Variants in POPDC1 observed in about 807,000 individuals in gnomAD.
The protein encoded by POPDC1 is popeye domain-containing protein 1.
At chr6:105,105,452 T>A in the POPDC1 span, among the ~76,000 whole-genome samples, 2,915 of 152,314 alleles carry the variant, frequency 0.019, 82 homozygotes, top group African/African-American at 0.067. Flanking sequence ...TGCCTCGGAA[T>A]CTGCAACTGT....
the POPDC1 span, among the ~76,000 whole-genome samples, chr6:105,114,060 T>C: frequency 6.6e-6 from 1 of 152,110 alleles, no homozygotes; most frequent in African/African-American, 2.4e-5. Flanking sequence ...AACATGCTTA[T>C]CATCAAGGAC....
chr6:105,106,269 A>G, the POPDC1 span, among the ~76,000 whole-genome samples: 1 of 152,176 alleles, frequency 6.6e-6, no homozygotes, highest in Non-Finnish European at 1.5e-5. Context: ...AAGTGGCAAA[A>G]AAGTCCTCTG....
the POPDC1 span, among the ~76,000 whole-genome samples, chr6:105,105,032 G>A: frequency 6.6e-6 from 1 of 152,160 alleles, no homozygotes; most frequent in South Asian, 2.1e-4. Flanking sequence ...TGCCATGAAT[G>A]AGCTTATTTC....
the POPDC1 span, chr6:105,101,037 C>T: frequency 2.6e-6 from 4 of 1,537,740 alleles, no homozygotes; most frequent in African/African-American, 4.2e-5. Flanking sequence ...TGGTATTTTT[C>T]AGGATCTCTT....
chr6:105,104,547 T>A, the POPDC1 span, among the ~76,000 whole-genome samples: 1 of 152,122 alleles, frequency 6.6e-6, no homozygotes, highest in South Asian at 2.1e-4. Flanking sequence ...ACATCACCTT[T>A]AATTTCTGGC....
At chr6:105,107,897 G>T in the POPDC1 span, among the ~76,000 whole-genome samples, 21 of 151,986 alleles carry the variant, frequency 1.4e-4, no homozygotes, top group African/African-American at 4.8e-4. Flanking sequence ...TTGAATTGAA[G>T]CTTTCTGAAC....
At chr6:105,131,478 C>T in the POPDC1 span, among the ~76,000 whole-genome samples, 2 of 151,978 alleles carry the variant, frequency 1.3e-5, no homozygotes, top group African/African-American at 4.8e-5. Flanking sequence ...GCTCTGTCGC[C>T]CAGGCTGGAG....
chr6:105,119,789 T>A, the POPDC1 span, among the ~76,000 whole-genome samples: 1 of 152,248 alleles, frequency 6.6e-6, no homozygotes, highest in Non-Finnish European at 1.5e-5. Context: ...TTACCTCAAG[T>A]TTCCACTGAG....
At chr6:105,127,358 A>G in the POPDC1 span, among the ~76,000 whole-genome samples, 1 of 152,184 alleles carries the variant, frequency 6.6e-6, no homozygotes, top group Non-Finnish European at 1.5e-5. Context: ...AAATGCAATC[A>G]TTATCTACCT....
At chr6:105,126,476 A>G in the POPDC1 span, among the ~76,000 whole-genome samples, 1 of 152,006 alleles carries the variant, frequency 6.6e-6, no homozygotes, top group South Asian at 2.1e-4. Context: ...CTGAACTCAG[A>G]GCATAAGGGG....
chr6:105,129,380 G>A, the POPDC1 span: 49 of 1,601,604 alleles, frequency 3.1e-5, no homozygotes, highest in South Asian at 6.8e-5. Context: ...AATAATTACC[G>A]GTCTCTTCTT....
chr6:105,127,724 T>C, the POPDC1 span, among the ~76,000 whole-genome samples: 2 of 151,898 alleles, frequency 1.3e-5, no homozygotes, highest in African/African-American at 4.8e-5. Context: ...GCATGAGCTA[T>C]GGCGCCCAGC....
At chr6:105,106,146 A>G in the POPDC1 span, among the ~76,000 whole-genome samples, 1 of 152,160 alleles carries the variant, frequency 6.6e-6, no homozygotes, top group African/African-American at 2.4e-5. Flanking sequence ...ATTTTATTAT[A>G]AAAGTATATA....
At chr6:105,115,732 G>A in the POPDC1 span, 55 of 1,614,152 alleles carry the variant, frequency 3.4e-5, no homozygotes, top group East Asian at 1.3e-4. Context: ...GGTGCAAGCC[G>A]TCGTCACTGT....
At chr6:105,120,591 A>G in the POPDC1 span, among the ~76,000 whole-genome samples, 1 of 152,378 alleles carries the variant, frequency 6.6e-6, no homozygotes, top group African/African-American at 2.4e-5. Flanking sequence ...AATACATAAA[A>G]GGACATCTTT....
the POPDC1 span, among the ~76,000 whole-genome samples, chr6:105,132,232 C>G: frequency 3.3e-5 from 5 of 152,236 alleles, no homozygotes; most frequent in Non-Finnish European, 7.3e-5. Flanking sequence ...TACCACAGTG[C>G]TGGGATTACA....
At chr6:105,109,758 T>C in the POPDC1 span, among the ~76,000 whole-genome samples, 1 of 4,536 alleles carries the variant, frequency 2.2e-4, no homozygotes, top group Non-Finnish European at 2.1e-3. Context: ...AGTGAGACCC[T>C]TTCTCAAAAA....
chr6:105,124,774 G>A, the POPDC1 span: 15 of 719,814 alleles, frequency 2.1e-5, no homozygotes, highest in Non-Finnish European at 3.5e-5. Flanking sequence ...ATTCCACAGA[G>A]ATGATGGACA....
the POPDC1 span, among the ~76,000 whole-genome samples, chr6:105,105,034 G>A: frequency 6.6e-6 from 1 of 152,172 alleles, no homozygotes; most frequent in South Asian, 2.1e-4. Context: ...CCATGAATGA[G>A]CTTATTTCTT....
Sources: gnomAD v4.1 joint callset for allele counts (sites outside exome capture counted in the v4.1 genomes callset) on GRCh38, gnomAD v4.1.1 for gene constraint, MANE v1.5 for transcripts, NCBI Gene and HGNC (gene_info 2026-07-23, HGNC 2026-07-21) for gene names.